The following ERCC3 variants were observed in gnomAD, a reference collection of about 807,000 sequenced individuals.
ERCC3 encodes general transcription and DNA repair factor IIH helicase/translocase subunit XPB.
In ERCC3, 66 loss-of-function variants were observed where a neutral mutation model predicts 94.2. The ratio of observed to expected loss-of-function variants is 0.70; its 90% CI spans 0.57 to 0.86. The LOEUF is 0.86. ERCC3 is among the 40% of genes least tolerant of loss of function. The pLI is 0.00. For synonymous variants in ERCC3, 349 were observed against 369.1 expected (o/e 0.95, Z 0.63); for missense variants, 829 against 987.1 (o/e 0.84, Z 2.15).
intron 2 of ERCC3, 40 bp from the exon 3 acceptor site, chr2:127,292,886 G>GA (rs1249215622): frequency 7.0e-6 from 9 of 1,283,506 alleles, no homozygotes; most frequent in Non-Finnish European, 1.0e-5. Flanking sequence ...AAGGAAACAT[G>GA]AGTTGCAGAG....
Position 127,279,866 on chromosome 2 carries a change from CAT to C in ERCC3, c.1528-493_1528-492del, listed in dbSNP as rs1684852136. Among the ~76,000 whole-genome samples, 2 of 152,318 alleles carry C rather than the reference CAT, an allele frequency of 1.3e-5. No homozygotes were observed. Among genetic ancestry groups the C allele is most frequent in the African/African-American group, 4.8e-5 (2 of 41,574 alleles). On this transcript the variant is annotated intron_variant, in intron 9 of 14. Coordinates refer to ENST00000285398, the MANE Select transcript of ERCC3 (RefSeq NM_000122.2). The surrounding 1 kb of genome is among the most constrained non-coding windows in gnomAD (Gnocchi z 4.7). ...CCTCCTATTGAACTGGACGTTTTCA[CAT>C]GTTAACCACTTAAAAGATTTTTAAA...
rs373277767 is a variant in ERCC3, at chr2:127,274,302, G to A, written c.1731-1341C>T. Among the ~76,000 whole-genome samples, 1 of 148,880 alleles carries A rather than the reference G, an allele frequency of 6.7e-6. No homozygotes were observed. Among genetic ancestry groups the A allele is most frequent in the Non-Finnish European group, 1.5e-5 (1 of 67,562 alleles). ...TTCACTCCAGCCTGGGCAACAGAGT[G>A]AGACTCCGTCTCAGAAAAAAAAAAA... On this transcript the variant is annotated intron_variant, in intron 10 of 14. Transcript: ENST00000285398. The surrounding 1 kb of genome is among the most constrained non-coding windows in gnomAD (Gnocchi z 4.0).
At chr2:127,285,780 G>A (rs1426780183) in intron 8 of ERCC3, among the ~76,000 whole-genome samples, 1 of 152,064 alleles carries the variant, frequency 6.6e-6, no homozygotes, top group African/African-American at 2.4e-5. Flanking sequence ...GAACCCTAGA[G>A]GCGGAGGTTG....
At chr2:127,263,600 C>A (rs1312738680) in intron 12 of ERCC3, among the ~76,000 whole-genome samples, 1 of 151,922 alleles carries the variant, frequency 6.6e-6, no homozygotes, top group Non-Finnish European at 1.5e-5. Flanking sequence ...TTTTTCCTAT[C>A]TGGATGCCTT....
chr2:127,263,821 C>T (rs1267629453), intron 12 of ERCC3, among the ~76,000 whole-genome samples: 1 of 151,812 alleles, frequency 6.6e-6, no homozygotes, highest in Non-Finnish European at 1.5e-5. Context: ...CATTCTCCTG[C>T]TTCAGCCTCC....
chr2:127,272,840 C>A, intron 11 of ERCC3, 25 bp downstream of exon 11: 2 of 1,507,996 alleles, frequency 1.3e-6, no homozygotes, highest in Middle Eastern at 1.7e-4. Flanking sequence ...AGGGGCCTCA[C>A]CTCCACCCCA....
chr2:127,259,464 C>T lies in ERCC3; in HGVS notation c.2065-16G>A. ...TCGTGATCACCTGCAAAGCCCAAGC[C>T]AGCAGACATGCCCCTTTCTGCTCTC... On this transcript the variant is annotated splice_polypyrimidine_tract_variant and intron_variant, in intron 13 of 14. Coordinates refer to ENST00000285398, the MANE Select transcript of ERCC3 (RefSeq NM_000122.2). This position sits in a 1 kb window ranked among gnomAD's most constrained non-coding sequence, Gnocchi z 4.9. 1.2e-6 allele frequency: 2 copies of T among 1,614,052 alleles called. No homozygotes were observed. The highest frequency in any genetic ancestry group is 1.7e-6 in the Non-Finnish European group (2 of 1,180,020).
chr2:127,292,540 AC>A, intron 3 of ERCC3, 69 bp downstream of exon 3: 1 of 1,018,108 alleles, frequency 9.8e-7, no homozygotes, highest in South Asian at 1.3e-5. Flanking sequence ...CAGGCTGACA[AC>A]ATGGAGCACC....
chr2:127,293,719 C>A lies in ERCC3; in HGVS notation c.29-1G>T. 1 of 1,611,260 alleles carries A rather than the reference C, an allele frequency of 6.2e-7. No homozygotes were observed. Among genetic ancestry groups the A allele is most frequent in the Non-Finnish European group, 8.5e-7 (1 of 1,180,018 alleles). Reference sequence around the variant, plus strand: ...TGCCGCTTCCTGGATTTCTTCTTGTCTGCAAGATACCAACACAGAAGTAAG... The same window carrying A: ...TGCCGCTTCCTGGATTTCTTCTTGTATGCAAGATACCAACACAGAAGTAAG... On this transcript the variant is annotated splice_acceptor_variant, in intron 1 of 14. Coordinates refer to ENST00000285398, the MANE Select transcript of ERCC3 (RefSeq NM_000122.2). LOFTEE classifies it high-confidence loss of function.
At position 127,280,345 on chromosome 2, in the gene ERCC3, C is replaced by A; in HGVS notation, c.1527+102G>T. The A allele has an allele frequency of 9.0e-7, 1 of 1,108,206 alleles. No individual in the cohort carries two copies. 68.6% of individuals were successfully genotyped at this position (1,108,206 alleles called of 1,614,324 possible). A position where few individuals can be genotyped will look rare whatever the true frequency, so the allele number is the denominator to read the frequency against. On this transcript the variant is annotated intron_variant, in intron 9 of 14. Transcript: ENST00000285398. This position sits in a 1 kb window ranked among gnomAD's most constrained non-coding sequence, Gnocchi z 6.3. ...CTGTATGAAGTGGTAGCAGGTGAGC[C>A]TAAGTCCTGACCTGTGTCTGCCCAT...
rs548614841 is a variant in ERCC3 at position 127,258,179 on chromosome 2, C to T, written c.2218-452G>A. Among the ~76,000 whole-genome samples, 52 of 152,264 alleles carry T rather than the reference C, an allele frequency of 3.4e-4. No individual in the cohort carries two copies. The South Asian group carries it at 9.1e-3, about 27-fold the overall frequency. ...AACTCCTGGACTCAACTGATCCTCC[C>T]GCCTAGGCCTCCCAAAGTGCTGGGA... On this transcript the variant is annotated intron_variant, in intron 14 of 14. Coordinates refer to ENST00000285398, the MANE Select transcript of ERCC3 (RefSeq NM_000122.2). This position sits in a 1 kb window ranked among gnomAD's most constrained non-coding sequence, Gnocchi z 4.1.
intron 12 of ERCC3, among the ~76,000 whole-genome samples, chr2:127,265,945 T>C (rs964364855): frequency 5.3e-5 from 8 of 152,210 alleles, no homozygotes; most frequent in Non-Finnish European, 1.2e-4. Flanking sequence ...TTCCTAACAA[T>C]ACCTTTGCTG....
In ERCC3 at chr2:127,293,504, C is replaced by T; in HGVS notation, c.234+9G>A. ...TCCTGGGCCCTGCCCAAGCTAAGGG[C>T]ATGCTTACCACCCAGAGGGGCCTGG... is the stretch of plus-strand genomic sequence containing the variant. On this transcript the variant is annotated intron_variant, in intron 2 of 14. Transcript: ENST00000285398. 1 of 1,613,612 alleles carries T rather than the reference C, an allele frequency of 6.2e-7. No homozygotes were observed. The highest frequency in any genetic ancestry group is 1.3e-5 in the African/African-American group (1 of 75,056).
rs1439462262 is a variant in ERCC3, at chr2:127,290,205, C to T, written c.521+19G>A. On this transcript the variant is annotated intron_variant, in intron 4 of 14. Transcript: ENST00000285398. ...AAAGTGACAGTGCCTTGGGACAGGC[C>T]TGTCATGGAATCTCTTACCTGTTGT... The T allele has an allele frequency of 1.9e-6, 3 of 1,609,308 alleles. No homozygotes were observed. Among genetic ancestry groups the T allele is most frequent in the Non-Finnish European group, 2.6e-6 (3 of 1,175,572 alleles).
chr2:127,257,861 C>G lies in ERCC3; in HGVS notation c.2218-134G>C. The G allele has an allele frequency of 9.8e-7, 1 of 1,017,684 alleles. No individual in the cohort carries two copies. Among genetic ancestry groups the G allele is most frequent in the Non-Finnish European group, 1.5e-6 (1 of 674,560 alleles). 63.0% of individuals were successfully genotyped at this position (1,017,684 alleles called of 1,614,324 possible). A position where few individuals can be genotyped will look rare whatever the true frequency, so the allele number is the denominator to read the frequency against. On this transcript the variant is annotated intron_variant, in intron 14 of 14. Coordinates refer to ENST00000285398, the MANE Select transcript of ERCC3 (RefSeq NM_000122.2). This position sits in a 1 kb window ranked among gnomAD's most constrained non-coding sequence, Gnocchi z 5.4. Reference sequence around the variant, plus strand: ...ATCATTTTTAATAATGTTTACAGATCGCTTACTGTCTCAGGCATTGTTCTA... The same window carrying G: ...ATCATTTTTAATAATGTTTACAGATGGCTTACTGTCTCAGGCATTGTTCTA...
At position 127,271,243 on chromosome 2, in the gene ERCC3, G is replaced by A; in HGVS notation, c.1945+93C>T. The A allele has an allele frequency of 2.3e-6, 2 of 869,340 alleles. No individual in the cohort carries two copies. The highest frequency in any genetic ancestry group is 2.6e-5 in the South Asian group (2 of 75,970). The allele number at this position is 869,340 out of a possible 1,614,324, so 53.9% of individuals were successfully genotyped here. A position where few individuals can be genotyped will look rare whatever the true frequency, so the allele number is the denominator to read the frequency against. ...TCCCTCCAGAGTCTATTTAGCCCCA[G>A]GGCACATGGCAGCTCTCACCCCTAT... On this transcript the variant is annotated intron_variant, in intron 12 of 14. Transcript: ENST00000285398. The surrounding 1 kb of genome is among the most constrained non-coding windows in gnomAD (Gnocchi z 5.0).
Position 127,279,174 on chromosome 2 carries a change from T to C in ERCC3, c.1729A>G (p.Lys577Glu). 6.2e-7 allele frequency: 1 copy of C among 1,605,648 alleles called. No individual in the cohort carries two copies. Among genetic ancestry groups the C allele is most frequent in the African/African-American group, 1.3e-5 (1 of 74,898 alleles). Residue 577 changes from lysine (K) to glutamate (E), a missense_variant and splice_region_variant, in exon 10 of 15, where the codon AAA (lysine) becomes GAA (glutamate). By Grantham distance (56) the Lys-to-Glu change is moderately conservative. Transcript: ENST00000285398. The surrounding 1 kb of genome is among the most constrained non-coding windows in gnomAD (Gnocchi z 4.7). ...AAGCTCCAAGTTTTCAATTCTTACT[T>C]GTTCAGTCGAATGGCATATTCCTTT... ...ALKEYAIRLN[K>E]PYIYGPTSQG...
intron 10 of ERCC3, among the ~76,000 whole-genome samples, chr2:127,276,990 C>A (rs1684752696): frequency 6.6e-6 from 1 of 152,186 alleles, no homozygotes; most frequent in Admixed American, 6.6e-5. Flanking sequence ...CATCTGTAAA[C>A]ATGTGAAGTC....
chr2:127,272,482 G>A (rs1450329541), intron 11 of ERCC3, among the ~76,000 whole-genome samples: 1 of 152,094 alleles, frequency 6.6e-6, no homozygotes, highest in Non-Finnish European at 1.5e-5. Flanking sequence ...GGGACACCAG[G>A]AACCAGGACA....
Sources: allele counts gnomAD v4.1 joint callset (sites outside exome capture counted in the v4.1 genomes callset), GRCh38; gene constraint gnomAD v4.1.1; non-coding constraint Gnocchi (gnomAD v3.1); transcripts MANE v1.5; gene names NCBI Gene and HGNC (gene_info 2026-07-23, HGNC 2026-07-21).